The following DCX variants were observed in gnomAD, a reference collection of about 807,000 sequenced individuals.
DCX encodes neuronal migration protein doublecortin.
In DCX, 4 loss-of-function variants were observed where a neutral mutation model predicts 20.9. The observed-to-expected ratio is 0.19, with a 90% CI of 0.09 to 0.44. The LOEUF is 0.44. Among genes scored for constraint, DCX ranks in the 20% least tolerant of loss-of-function variants. DCX has a pLI of 0.99. For missense variants in DCX, 133 were observed against 296.9 expected, an observed-to-expected ratio of 0.45 and a Z score of 4.06; for synonymous variants, 103 against 111.4, an observed-to-expected ratio of 0.92 and a Z score of 0.47.
At chrX:111,317,864 T>C (rs1048502332) in intron 5 of DCX, among the ~76,000 whole-genome samples, 5 of 111,174 alleles carry the variant, frequency 4.5e-5, no homozygotes, top group African/African-American at 1.6e-4. Context: ...CACAATGAGA[T>C]ACCATCTCAC....
intron 3 of DCX, among the ~76,000 whole-genome samples, chrX:111,384,939 G>A (rs183433447): frequency 1.8e-3 from 198 of 112,863 alleles, no homozygotes; most frequent in African/African-American, 5.8e-3. Flanking sequence ...GAGATCCAAA[G>A]AGAGGTTGTG....
rs778110303 is a variant in DCX, at chrX:111,364,626, A to AT, written c.706-31474dup. On this transcript the variant is annotated intron_variant, in intron 3 of 6. Coordinates refer to ENST00000636035, the MANE Select transcript of DCX (RefSeq NM_001195553.2). ...TTCAAGGAGATGTGTACAATATACCATTTTTTTGTAATAGCCTCAAACTGG... is the reference window on the plus strand; with the variant it reads ...TTCAAGGAGATGTGTACAATATACCATTTTTTTTGTAATAGCCTCAAACTGG... 2.7e-5 allele frequency among the ~76,000 whole-genome samples: 3 copies of AT among 111,935 alleles called. No individual in the cohort carries two copies. In the South Asian group the frequency reaches 1.1e-3, roughly 42 times the overall value.
At chrX:111,379,239 A>G (rs1925778705) in intron 3 of DCX, among the ~76,000 whole-genome samples, 1 of 111,653 alleles carries the variant, frequency 9.0e-6, no homozygotes, top group Non-Finnish European at 1.9e-5. Flanking sequence ...CACGCAATTC[A>G]CCCATTTAAA....
chrX:111,350,564 G>T (rs1923225438), intron 3 of DCX, among the ~76,000 whole-genome samples: 1 of 111,515 alleles, frequency 9.0e-6, no homozygotes, highest in African/African-American at 3.3e-5. Context: ...ACTTGGGTTT[G>T]AGCTCCTGGT....
At chrX:111,398,997 C>T (rs896365156) in intron 3 of DCX, among the ~76,000 whole-genome samples, 6 of 110,459 alleles carry the variant, frequency 5.4e-5, no homozygotes, top group African/African-American at 2.0e-4. Context: ...GTCTGTAGTC[C>T]CAGCTACTTG....
In DCX at chrX:111,361,485, T is replaced by C. The variant is rs1335626388; in HGVS notation, c.706-28332A>G. Among the ~76,000 whole-genome samples, 4 of 112,057 alleles carry C rather than the reference T, an allele frequency of 3.6e-5. No individual in the cohort carries two copies. In the Admixed American group the frequency reaches 3.8e-4, roughly 11 times the overall value. On this transcript the variant is annotated intron_variant, in intron 3 of 6. Transcript: ENST00000636035. ...GAGAGAATTGCCAGACTTCATTTAC[T>C]CTCACTTCGAAACAGTTGAAACAGT...
intron 3 of DCX, among the ~76,000 whole-genome samples, chrX:111,381,382 C>T (rs972679556): frequency 2.7e-5 from 3 of 109,931 alleles, no homozygotes; most frequent in Admixed American, 2.0e-4. Context: ...ACACAGGGAA[C>T]CCCAAAGGAA....
At chrX:111,314,490 G>A (rs1480780986) in intron 5 of DCX, among the ~76,000 whole-genome samples, 1 of 111,799 alleles carries the variant, frequency 8.9e-6, no homozygotes, top group East Asian at 2.8e-4. Flanking sequence ...AGATGAATCT[G>A]AAATAGGCAA....
intron 3 of DCX, among the ~76,000 whole-genome samples, chrX:111,354,709 G>A (rs147119658): frequency 8.9e-6 from 1 of 112,546 alleles, no homozygotes; most frequent in African/African-American, 3.2e-5. Context: ...CAGTGTGATT[G>A]CCTGGAACGA....
At chrX:111,348,345 T>A (rs1286503563) in intron 3 of DCX, among the ~76,000 whole-genome samples, 1 of 112,103 alleles carries the variant, frequency 8.9e-6, no homozygotes, top group African/African-American at 3.2e-5. Context: ...CTATTTTACC[T>A]GGAGCTAGTG....
intron 3 of DCX, among the ~76,000 whole-genome samples, chrX:111,374,873 G>A (rs1422018206): frequency 9.3e-6 from 1 of 107,248 alleles, no homozygotes; most frequent in African/African-American, 3.4e-5. Context: ...TAACTTATAG[G>A]TTGTCTCGCC....
At chrX:111,406,635 T>C (rs1205860408) in intron 2 of DCX, among the ~76,000 whole-genome samples, 1 of 111,927 alleles carries the variant, frequency 8.9e-6, no homozygotes, top group Non-Finnish European at 1.9e-5. Flanking sequence ...TGCCAATACA[T>C]GGAACAACAT....
chrX:111,371,933 T>TACAC lies in DCX; in HGVS notation c.705+29053_705+29056dup, dbSNP rs56304092. The stretch of plus-strand genomic sequence containing the variant: ...ATACAGTATTATATAGATATATGTG[T>TACAC]ACACACACACACACACACACACACA... On this transcript the variant is annotated intron_variant, in intron 3 of 6. Transcript: ENST00000636035. 2.9e-3 allele frequency among the ~76,000 whole-genome samples: 283 copies of TACAC among 97,474 alleles called. 2 individuals are homozygous for TACAC. The highest frequency in any genetic ancestry group is 8.1e-3 in the African/African-American group (223 of 27,432). 84.6% of individuals were successfully genotyped at this position (97,474 alleles called of 115,157 possible).
At position 111,298,122 on chromosome X, in the gene DCX, T is replaced by C. The variant is rs2095025611; in HGVS notation, c.*3565A>G. 1 of 112,169 alleles carries C rather than the reference T, an allele frequency of 8.9e-6. No individual in the cohort carries two copies. The highest frequency in any genetic ancestry group is 9.4e-5 in the Admixed American group (1 of 10,599). The allele number at this position is 112,169 out of a possible 1,213,427, so 9.2% of individuals were successfully genotyped here. On this transcript the variant is annotated 3_prime_UTR_variant, in exon 7 of 7. Coordinates refer to ENST00000636035, the MANE Select transcript of DCX (RefSeq NM_001195553.2). ...TGTTCCACTCTTTCTTTTTCTACTC[T>C]GGAAACAAGAAACATTTCCCTCAGC...
At chrX:111,317,275 A>G (rs1448868670) in intron 5 of DCX, among the ~76,000 whole-genome samples, 1 of 111,565 alleles carries the variant, frequency 9.0e-6, no homozygotes, top group Non-Finnish European at 1.9e-5. Flanking sequence ...AAGGCCACAA[A>G]CCTACAACCA....
intron 3 of DCX, among the ~76,000 whole-genome samples, chrX:111,367,237 A>G (rs759178234): frequency 2.7e-3 from 300 of 111,711 alleles, no homozygotes; most frequent in Non-Finnish European, 4.6e-3. Flanking sequence ...CAGGGACTGA[A>G]TCACTTCCCT....
intron 3 of DCX, among the ~76,000 whole-genome samples, chrX:111,397,725 A>G (rs1460778651): frequency 8.9e-6 from 1 of 111,965 alleles, no homozygotes. Context: ...TCAGTGTTTT[A>G]TGTAAACAAC....
chrX:111,301,962 A>G (rs1372841571), intron 6 of DCX, among the ~76,000 whole-genome samples: 2 of 111,179 alleles, frequency 1.8e-5, no homozygotes, highest in African/African-American at 3.3e-5. Context: ...ACATGTGATC[A>G]TTTGTGTGTG....
At chrX:111,396,575 T>G (rs1339193275) in intron 3 of DCX, among the ~76,000 whole-genome samples, 6 of 112,375 alleles carry the variant, frequency 5.3e-5, no homozygotes, top group African/African-American at 1.9e-4. Context: ...AACATGTATC[T>G]ATTAAACTAC....
Sources: allele counts gnomAD v4.1 joint callset (sites outside exome capture counted in the v4.1 genomes callset), GRCh38; gene constraint gnomAD v4.1.1; transcripts MANE v1.5; gene names NCBI Gene and HGNC (gene_info 2026-07-23, HGNC 2026-07-21).